Variants in TRPM1 observed in about 807,000 individuals in gnomAD.
TRPM1 encodes the protein TRPM1-203 APA Isoform, Intron 10.
In TRPM1, 113 loss-of-function variants were observed where a neutral mutation model predicts 149.4. The observed-to-expected ratio is 0.76, with a 90% CI of 0.65 to 0.88. TRPM1 has a LOEUF of 0.88. Among genes scored for constraint, TRPM1 ranks in the 40% least tolerant of loss-of-function variants. The pLI is 0.00. For synonymous variants in TRPM1, 741 were observed against 759.5 expected (o/e 0.98, Z 0.40); for missense variants, 1,976 against 2,038.7 (o/e 0.97, Z 0.59).
Position 31,141,509 on chromosome 15 carries a change from G to A in TRPM1, c.54+19397C>T, listed in dbSNP as rs1054465310. On this transcript the variant is annotated intron_variant, in intron 1 of 26. Transcript: ENST00000542188. ...GGACTAAGGAAGAAAATAGAAGCAAGGCAGACAGAAACCAGTAAGTAGGAG... is the reference window on the plus strand; with the variant it reads ...GGACTAAGGAAGAAAATAGAAGCAAAGCAGACAGAAACCAGTAAGTAGGAG... Among the ~76,000 whole-genome samples the A allele has an allele frequency of 2.0e-5, 3 of 152,060 alleles. No homozygotes were observed. The East Asian group carries it at 5.8e-4, about 29-fold the overall frequency.
chr15:31,152,323 C>T (rs2036313423), intron 1 of TRPM1, among the ~76,000 whole-genome samples: 1 of 152,244 alleles, frequency 6.6e-6, no homozygotes, highest in Admixed American at 6.5e-5. Flanking sequence ...CATGTCTCCG[C>T]TTCAGGAGTT....
intron 11 of TRPM1, among the ~76,000 whole-genome samples, chr15:31,057,479 C>A (rs1267178195): frequency 6.6e-6 from 1 of 152,094 alleles, no homozygotes; most frequent in African/African-American, 2.4e-5. Flanking sequence ...GTACAACAAA[C>A]CCCCATGACA....
intron 27 of TRPM1, among the ~76,000 whole-genome samples, chr15:31,016,039 T>C (rs1414221760): frequency 1.3e-5 from 2 of 152,206 alleles, no homozygotes; most frequent in African/African-American, 4.8e-5. Context: ...AGCTTTCAGC[T>C]ACCTCTGATG....
chr15:31,076,946 C>T lies in TRPM1; in HGVS notation c.42G>A (p.Arg14=). The change falls in exon 3 of 28, where the codon CGG becomes CGA. Residue 14 remains arginine, a synonymous_variant. Transcript: ENST00000256552. ...KSWIEKTFCK[R]ECIFVIPSMK... is the part of the protein sequence containing the mutation. ...TGCTAGGAATTACAAAGATACATTC[C>T]CGTTTGCAAAAGGTTTTCTCTATCC... The T allele has an allele frequency of 6.2e-7, 1 of 1,612,730 alleles. No homozygotes were observed. The highest frequency in any genetic ancestry group is 1.1e-5 in the South Asian group (1 of 91,056).
Position 31,040,144 on chromosome 15 carries a change from G to T in TRPM1, c.2290C>A (p.Arg764=), listed in dbSNP as rs373109371. 1.2e-6 allele frequency: 2 copies of T among 1,614,084 alleles called. No homozygotes were observed. Among genetic ancestry groups the T allele is most frequent in the African/African-American group, 1.3e-5 (1 of 74,946 alleles). The stretch of plus-strand genomic sequence containing the variant: ...TTCAGGCCGGGGTTCTTCCGCATCC[G>T]CAGTCTTCCCATCCACATATCGGTC... ...LLTDMWMGRL[R]MRKNPGLKVI... is the part of the protein sequence containing the mutation. The change falls in exon 18 of 28, where the codon CGG becomes AGG. Residue 764 remains arginine, a synonymous_variant. Coordinates refer to ENST00000256552, the MANE Select transcript of TRPM1 (RefSeq NM_001252024.2). The surrounding 1 kb of genome is among the most constrained non-coding windows in gnomAD (Gnocchi z 4.2).
At chr15:31,126,283 C>A (rs180882014) in intron 1 of TRPM1, among the ~76,000 whole-genome samples, 1 of 152,254 alleles carries the variant, frequency 6.6e-6, no homozygotes, top group East Asian at 1.9e-4. Context: ...AAGAAGGATA[C>A]AGATTTGAAG....
rs1451585102 is a variant in TRPM1 at position 31,061,463 on chromosome 15, T to G, written c.1141A>C (p.Ile381Leu). 6 of 1,614,080 alleles carry G rather than the reference T, an allele frequency of 3.7e-6. No individual in the cohort carries two copies. The East Asian group carries it at 1.3e-4, about 36-fold the overall frequency. Residue 381 changes from isoleucine (I) to leucine (L), a missense_variant, in exon 10 of 28, where the codon ATT becomes CTT. Ile to Leu is a conservative substitution (Grantham distance 5, BLOSUM62 2). Transcript: ENST00000256552. ...SEGQQDIEMA[I>L]LTALLKGTNV... is the part of the protein sequence containing the mutation. ...TCACCTTTCAGCAGGGCAGTTAAAA[T>G]TGCCATCTCGATGTCCTGCTGGCCC...
intron 1 of TRPM1, among the ~76,000 whole-genome samples, chr15:31,125,033 G>A (rs184408860): frequency 4.6e-5 from 7 of 152,160 alleles, no homozygotes; most frequent in African/African-American, 9.6e-5. Flanking sequence ...AAATTTGCTG[G>A]GTGTGGTGGC....
chr15:31,085,520 C>T (rs577975752), intron 1 of TRPM1, among the ~76,000 whole-genome samples: 7 of 152,308 alleles, frequency 4.6e-5, no homozygotes, highest in South Asian at 2.1e-4. Context: ...TGTGAGCACA[C>T]GCCCAATTGT....
At chr15:31,067,831 G>T in intron 5 of TRPM1, 48 bp downstream of exon 5, 2 of 1,581,794 alleles carry the variant, frequency 1.3e-6, no homozygotes, top group Non-Finnish European at 1.7e-6. Context: ...ACCACAGTGA[G>T]TTCTGGGTGG....
Position 31,145,689 on chromosome 15 carries a change from C to T in TRPM1, c.54+15217G>A, listed in dbSNP as rs148517085. Among the ~76,000 whole-genome samples, 249 of 152,192 alleles carry T rather than the reference C, an allele frequency of 1.6e-3. 2 individuals carry two copies. The highest frequency in any genetic ancestry group is 5.9e-3 in the African/African-American group (245 of 41,520). ...AAGCTGTGCAGTTGCTGACATTTCT[C>T]GTTGTACATAGATGAATACATCAGG... On this transcript the variant is annotated intron_variant, in intron 1 of 26. Coordinates refer to the TRPM1 transcript ENST00000542188.
At chr15:31,042,591 G>A (rs2033655559) in intron 16 of TRPM1, among the ~76,000 whole-genome samples, 2 of 152,200 alleles carry the variant, frequency 1.3e-5, no homozygotes, top group African/African-American at 4.8e-5. Flanking sequence ...TCATGGAAGA[G>A]GGAAGGTCTA....
In TRPM1 at chr15:31,125,566, T is replaced by A. The variant is rs541700322; in HGVS notation, c.54+35340A>T. ...TAAAACGGTGAAACCTCGTCTCTAC[T>A]AAAAATACAAAAAATTAGCCGGGCG... On this transcript the variant is annotated intron_variant, in intron 1 of 26. Coordinates refer to the TRPM1 transcript ENST00000542188. Among the ~76,000 whole-genome samples the A allele has an allele frequency of 8.1e-4, 119 of 147,508 alleles. 4 individuals are homozygous for A. In the South Asian group the frequency reaches 0.025, roughly 31 times the overall value.
chr15:31,150,634 C>T (rs1358498443), intron 1 of TRPM1, among the ~76,000 whole-genome samples: 2 of 152,046 alleles, frequency 1.3e-5, no homozygotes, highest in Non-Finnish European at 2.9e-5. Flanking sequence ...TGGGGTTTCA[C>T]CATGTTGGCC....
rs201944381 is a variant in TRPM1 at position 31,129,314 on chromosome 15, C to T, written c.54+31592G>A. On this transcript the variant is annotated intron_variant, in intron 1 of 26. Coordinates refer to the TRPM1 transcript ENST00000542188. The stretch of plus-strand genomic sequence containing the variant: ...CAACAGTGCTGACTTGTGCTTACTG[C>T]GCAGATCTGTCCAGTAAGGGACCCG... Among the ~76,000 whole-genome samples, 27 of 152,312 alleles carry T rather than the reference C, an allele frequency of 1.8e-4. 1 individual carries two copies. Among genetic ancestry groups the T allele is most frequent in the East Asian group, 1.7e-3 (9 of 5,178 alleles).
chr15:31,035,074 G>A (rs867968841), intron 21 of TRPM1, among the ~76,000 whole-genome samples: 4 of 152,078 alleles, frequency 2.6e-5, no homozygotes, highest in African/African-American at 4.8e-5. Context: ...GCGCGATCTC[G>A]GCTCATTGCA....
At chr15:31,037,209 A>G (rs2033427819) in intron 20 of TRPM1, among the ~76,000 whole-genome samples, 1 of 152,254 alleles carries the variant, frequency 6.6e-6, no homozygotes, top group Non-Finnish European at 1.5e-5. Flanking sequence ...AGAGGGCTGG[A>G]GGATGGCTTG....
At chr15:31,093,370 C>G (rs1432849163) in intron 1 of TRPM1, among the ~76,000 whole-genome samples, 1 of 151,204 alleles carries the variant, frequency 6.6e-6, no homozygotes, top group African/African-American at 2.4e-5. Flanking sequence ...TGAAAGATCA[C>G]CATACAAAAA....
intron 1 of TRPM1, among the ~76,000 whole-genome samples, chr15:31,118,963 G>T (rs1224070112): frequency 1.3e-5 from 2 of 152,166 alleles, no homozygotes; most frequent in Non-Finnish European, 2.9e-5. Flanking sequence ...TTACTGGCCA[G>T]GCGCAGTGGT....
Sources: gnomAD v4.1 joint callset for allele counts (sites outside exome capture counted in the v4.1 genomes callset) on GRCh38, gnomAD v4.1.1 for gene constraint, Gnocchi (gnomAD v3.1) non-coding constraint, MANE v1.5 for transcripts, NCBI Gene and HGNC (gene_info 2026-07-23, HGNC 2026-07-21) for gene names.